The following PPP3CB variants were observed in gnomAD, a reference collection of about 807,000 sequenced individuals.
The protein encoded by PPP3CB is protein phosphatase 3 catalytic subunit beta, also known as serine/threonine-protein phosphatase 2B catalytic subunit beta isoform.
A neutral mutation model predicts 66.4 loss-of-function variants in PPP3CB; 8 were observed. The ratio of observed to expected loss-of-function variants is 0.12; its 90% CI spans 0.07 to 0.22. The LOEUF is 0.22. Among genes scored for constraint, PPP3CB ranks in the 10% least tolerant of loss-of-function variants. The pLI is 1.00. For missense variants in PPP3CB, 319 were observed against 642.5 expected (o/e 0.50, Z 5.44); for synonymous variants, 208 against 221.2 (o/e 0.94, Z 0.53).
Position 73,484,276 on chromosome 10 carries a change from CT to C in PPP3CB, c.86-4760del, listed in dbSNP as rs542883073. ...ATTCATCTTCAGCCAACTATTTCTA[CT>C]TTTTTTTTTTGAGACGGAGTCTCGC... On this transcript the variant is annotated intron_variant, in intron 1 of 13. Coordinates refer to ENST00000360663, the MANE Select transcript of PPP3CB (RefSeq NM_021132.4). 5.4e-3 allele frequency among the ~76,000 whole-genome samples: 802 copies of C among 148,082 alleles called. 5 individuals are homozygous for C. Among genetic ancestry groups the C allele is most frequent in the Non-Finnish European group, 8.4e-3 (559 of 66,576 alleles).
chr10:73,472,477 A>C (rs1008147613), intron 4 of PPP3CB, among the ~76,000 whole-genome samples: 1 of 151,492 alleles, frequency 6.6e-6, no homozygotes, highest in African/African-American at 2.4e-5. Flanking sequence ...CCTGGGCGAC[A>C]GAGCAAGACT....
intron 1 of PPP3CB, among the ~76,000 whole-genome samples, chr10:73,493,014 G>A (rs1003914471): frequency 1.3e-5 from 2 of 152,054 alleles, no homozygotes; most frequent in Admixed American, 6.6e-5. Flanking sequence ...GGTGGCTCAC[G>A]CCTGTAATCC....
At chr10:73,458,181 G>T (rs2056461031) in intron 9 of PPP3CB, among the ~76,000 whole-genome samples, 1 of 152,110 alleles carries the variant, frequency 6.6e-6, no homozygotes. Context: ...CTGTTGTCCA[G>T]GCTGGAGTGC....
intron 1 of PPP3CB, among the ~76,000 whole-genome samples, chr10:73,484,639 A>G (rs745351360): frequency 5.9e-5 from 9 of 151,544 alleles, no homozygotes; most frequent in Non-Finnish European, 1.3e-4. Context: ...TTTTCAGACT[A>G]TGTTTCCTTA....
intron 13 of PPP3CB, among the ~76,000 whole-genome samples, chr10:73,439,604 C>T (rs112918082): frequency 0.047 from 7,090 of 152,086 alleles, 506 homozygotes; most frequent in African/African-American, 0.15. Flanking sequence ...GCATAACATG[C>T]TATACTCTAA....
intron 10 of PPP3CB, among the ~76,000 whole-genome samples, chr10:73,449,677 G>A (rs1251383750): frequency 1.3e-5 from 2 of 151,988 alleles, no homozygotes; most frequent in Non-Finnish European, 2.9e-5. Flanking sequence ...GATGCTATGT[G>A]GGTTTATACA....
chr10:73,444,905 C>T, intron 11 of PPP3CB, 83 bp from the exon 12 acceptor site: 2 of 1,324,306 alleles, frequency 1.5e-6, no homozygotes, highest in Admixed American at 2.4e-5. Context: ...AGATATAGGC[C>T]ATATATAAAA....
intron 10 of PPP3CB, among the ~76,000 whole-genome samples, chr10:73,448,896 CTAAAG>C (rs1194444287): frequency 2.0e-5 from 3 of 151,888 alleles, no homozygotes; most frequent in African/African-American, 7.3e-5. Context: ...AGGTAGAACT[CTAAAG>C]TAAAGATTTC....
intron 4 of PPP3CB, among the ~76,000 whole-genome samples, chr10:73,472,494 CAAAAA>C (rs748895209): frequency 1.3e-5 from 1 of 77,330 alleles, no homozygotes; most frequent in Admixed American, 1.6e-4. Flanking sequence ...GACTCTGTCT[CAAAAA>C]AAAAAAAAAA....
At chr10:73,487,663 CTAATT>C (rs2057004400) in intron 1 of PPP3CB, among the ~76,000 whole-genome samples, 2 of 150,426 alleles carry the variant, frequency 1.3e-5, no homozygotes, top group South Asian at 4.2e-4. Context: ...TTTAACGACA[CTAATT>C]TATGTAGCAA....
chr10:73,474,420 C>G (rs2056755329), intron 4 of PPP3CB, among the ~76,000 whole-genome samples: 1 of 151,370 alleles, frequency 6.6e-6, no homozygotes, highest in Admixed American at 6.6e-5. Flanking sequence ...ATAAGAAATT[C>G]TGAAATGAAA....
In PPP3CB at chr10:73,495,785, G is replaced by C; in HGVS notation, c.85+20C>G. The C allele has an allele frequency of 1.3e-6, 2 of 1,570,156 alleles. No individual in the cohort carries two copies. Among genetic ancestry groups the C allele is most frequent in the South Asian group, 2.2e-5 (2 of 89,452 alleles). On this transcript the variant is annotated intron_variant, in intron 1 of 13. Transcript: ENST00000360663. ...GCTAGCTCTTCAGGCCAGGCCCCCA[G>C]GGTTTCGTCCACCTCTCACCTTTGA... is the stretch of plus-strand genomic sequence containing the variant.
chr10:73,473,985 C>T (rs1029986595), intron 4 of PPP3CB, among the ~76,000 whole-genome samples: 2 of 152,098 alleles, frequency 1.3e-5, no homozygotes, highest in African/African-American at 2.4e-5. Context: ...CAAAAATCTC[C>T]AATGCAAAAT....
intron 9 of PPP3CB, 93 bp downstream of exon 9, chr10:73,467,460 T>G: frequency 2.0e-6 from 2 of 1,015,582 alleles, no homozygotes; most frequent in Middle Eastern, 3.4e-4. Context: ...AAACTAGACT[T>G]TGGTTTCCTT....
chr10:73,453,648 T>C (rs756241161), intron 10 of PPP3CB, among the ~76,000 whole-genome samples: 14 of 152,174 alleles, frequency 9.2e-5, no homozygotes, highest in Admixed American at 5.2e-4. Flanking sequence ...CACGGAAACA[T>C]TGAAATATTG....
chr10:73,447,962 A>C (rs754386912), intron 10 of PPP3CB, among the ~76,000 whole-genome samples: 1 of 152,054 alleles, frequency 6.6e-6, no homozygotes, highest in Non-Finnish European at 1.5e-5. Flanking sequence ...TAGAATTTGA[A>C]GAGACAATGG....
chr10:73,442,337 A>C (rs1327883614), intron 12 of PPP3CB, among the ~76,000 whole-genome samples: 2 of 152,174 alleles, frequency 1.3e-5, no homozygotes, highest in African/African-American at 2.4e-5. Flanking sequence ...GCCGTGTACA[A>C]ATTAAGAATA....
At chr10:73,438,691 G>A (rs1761297484) in intron 13 of PPP3CB, among the ~76,000 whole-genome samples, 1 of 152,066 alleles carries the variant, frequency 6.6e-6, no homozygotes, top group Non-Finnish European at 1.5e-5. Context: ...ACCCTCTCCT[G>A]CCCCCAAAAT....
In PPP3CB at chr10:73,478,537, GA is replaced by G; in HGVS notation, c.372del (p.Gly126AlafsTer11). The stretch of plus-strand genomic sequence containing the variant: ...TAACCTCTGTCCACATAATCGCCAA[GA>G]AAAAGGTATCGTGTATTAGCAGGTG... ...GGSPANTRYL[F>X]LGDYVDRGYF... is the part of the protein sequence containing the mutation. On this transcript the variant is annotated frameshift_variant, in exon 3 of 14. Coordinates refer to ENST00000360663, the MANE Select transcript of PPP3CB (RefSeq NM_021132.4). LOFTEE classifies it high-confidence loss of function. 1 of 1,610,168 alleles carries G rather than the reference GA, an allele frequency of 6.2e-7. No homozygotes were observed. The highest frequency in any genetic ancestry group is 8.5e-7 in the Non-Finnish European group (1 of 1,176,690).
Sources: allele counts gnomAD v4.1 joint callset (sites outside exome capture counted in the v4.1 genomes callset), GRCh38; gene constraint gnomAD v4.1.1; transcripts MANE v1.5; gene names NCBI Gene and HGNC (gene_info 2026-07-23, HGNC 2026-07-21).